Variants in CYP7B1 observed in about 807,000 individuals in gnomAD.
The protein encoded by CYP7B1 is cytochrome P450 family 7 subfamily B member 1.
In CYP7B1, 29 loss-of-function variants were observed where a neutral mutation model predicts 42.7. The ratio of observed to expected loss-of-function variants is 0.68; its 90% CI spans 0.51 to 0.93. The LOEUF is 0.93. CYP7B1 is among the 40% of genes least tolerant of loss of function. CYP7B1 has a pLI of 0.00. For missense variants in CYP7B1, 655 were observed against 600.5 expected, an observed-to-expected ratio of 1.09 and a Z score of -0.95; for synonymous variants, 235 against 218.2, an observed-to-expected ratio of 1.08 and a Z score of -0.68.
At chr8:64,636,004 G>T (rs960492122) in intron 1 of CYP7B1, among the ~76,000 whole-genome samples, 1 of 152,178 alleles carries the variant, frequency 6.6e-6, no homozygotes, top group Non-Finnish European at 1.5e-5. Flanking sequence ...TCTGGGAGGG[G>T]TGCTTAGGTT....
chr8:64,617,715 C>T (rs562692352), intron 2 of CYP7B1, among the ~76,000 whole-genome samples: 35 of 151,714 alleles, frequency 2.3e-4, no homozygotes, highest in East Asian at 1.7e-3. Flanking sequence ...GCTCTGTTAG[C>T]GGAACAACTT....
At chr8:64,749,111 T>C (rs1224766784) in intron 1 of CYP7B1, among the ~76,000 whole-genome samples, 1 of 152,136 alleles carries the variant, frequency 6.6e-6, no homozygotes, top group South Asian at 2.1e-4. Context: ...GACGGAGTCT[T>C]GCTCTGTCTC....
chr8:64,774,474 T>A (rs754062779), intron 1 of CYP7B1, among the ~76,000 whole-genome samples: 1 of 152,166 alleles, frequency 6.6e-6, no homozygotes, highest in Non-Finnish European at 1.5e-5. Flanking sequence ...GGAACAGTTG[T>A]TACTAGTAGC....
intron 1 of CYP7B1, among the ~76,000 whole-genome samples, chr8:64,726,347 C>A (rs1807324559): frequency 6.6e-6 from 1 of 152,126 alleles, no homozygotes. Context: ...AGAAAGTCTG[C>A]CTTTTAAATT....
At chr8:64,588,479 T>C (rs1804996876), downstream of CYP7B1, among the ~76,000 whole-genome samples, 1 of 152,222 alleles carries the variant, frequency 6.6e-6, no homozygotes, top group Non-Finnish European at 1.5e-5. Context: ...ATCTCAAATC[T>C]CCTGTTAACA....
chr8:64,765,737 C>T (rs967920059), intron 1 of CYP7B1, among the ~76,000 whole-genome samples: 1 of 152,122 alleles, frequency 6.6e-6, no homozygotes, highest in African/African-American at 2.4e-5. Context: ...ACTAGGGGTG[C>T]TGGCATCCCT....
chr8:64,618,594 C>CTCTCTT (rs1231361930), intron 2 of CYP7B1, among the ~76,000 whole-genome samples: 17 of 150,720 alleles, frequency 1.1e-4, no homozygotes, highest in Non-Finnish European at 2.2e-4. Flanking sequence ...CTCTCTTTCT[C>CTCTCTT]TCTCTCTCTC....
intron 1 of CYP7B1, among the ~76,000 whole-genome samples, chr8:64,644,012 C>T (rs529721126): frequency 9.9e-5 from 15 of 152,254 alleles, no homozygotes; most frequent in South Asian, 8.3e-4. Flanking sequence ...CGGTGGCTCA[C>T]GCCTGTAATC....
chr8:64,702,086 A>G (rs929567514), intron 1 of CYP7B1, among the ~76,000 whole-genome samples: 4 of 152,016 alleles, frequency 2.6e-5, no homozygotes, highest in Non-Finnish European at 5.9e-5. Context: ...CATTAGACTG[A>G]TAATATTTTT....
At position 64,708,541 on chromosome 8, in the gene CYP7B1, G is replaced by A. The variant is rs186942647; in HGVS notation, c.123-84002C>T. Among the ~76,000 whole-genome samples, 123 of 152,202 alleles carry A rather than the reference G, an allele frequency of 8.1e-4. No homozygotes were observed. In the Middle Eastern group the frequency reaches 0.01, roughly 13 times the overall value. ...CAGGATTATGCTAGTGAACCTAGGC[G>A]TTTCAGTTTGTTGCTTTATGTGCTA... is the stretch of plus-strand genomic sequence containing the variant. On this transcript the variant is annotated intron_variant, in intron 1 of 5. Transcript: ENST00000310193.
intron 1 of CYP7B1, among the ~76,000 whole-genome samples, chr8:64,797,188 A>T (rs1370529122): frequency 6.6e-6 from 1 of 152,158 alleles, no homozygotes. Context: ...CTGTCCCTCA[A>T]GTTCCACATT....
At chr8:64,619,897 C>G (rs1178975716) in intron 2 of CYP7B1, among the ~76,000 whole-genome samples, 1 of 151,688 alleles carries the variant, frequency 6.6e-6, no homozygotes, top group Non-Finnish European at 1.5e-5. Flanking sequence ...TACATATATC[C>G]ATGAGAATTG....
intron 1 of CYP7B1, among the ~76,000 whole-genome samples, chr8:64,643,173 A>T (rs113792056): frequency 9.4e-5 from 9 of 96,116 alleles, no homozygotes; most frequent in African/African-American, 2.8e-4. Context: ...ACATATATAC[A>T]TATATATACA....
At chr8:64,783,033 A>G (rs971279079) in intron 1 of CYP7B1, among the ~76,000 whole-genome samples, 7 of 152,322 alleles carry the variant, frequency 4.6e-5, no homozygotes, top group Admixed American at 4.6e-4. Flanking sequence ...ATCAAGAGCC[A>G]CAGAGGTGCC....
At chr8:64,687,698 C>A (rs1025061069) in intron 1 of CYP7B1, among the ~76,000 whole-genome samples, 3 of 152,008 alleles carry the variant, frequency 2.0e-5, no homozygotes, top group Non-Finnish European at 4.4e-5. Flanking sequence ...ATTATGTAAA[C>A]CTCAAAAATA....
At chr8:64,656,744 T>A (rs975847264) in intron 1 of CYP7B1, among the ~76,000 whole-genome samples, 2 of 152,222 alleles carry the variant, frequency 1.3e-5, no homozygotes, top group African/African-American at 4.8e-5. Flanking sequence ...TTGGTACAGT[T>A]TTCATTTCTG....
At position 64,596,705 on chromosome 8, in the gene CYP7B1, G is replaced by T; in HGVS notation, c.1458C>A (p.Arg486=). ...DDKPIGLNYS[R]LLFGIQYPDS... is the part of the protein sequence containing the mutation. ...CTGGATACTGAATACCAAACAACAAGCGGCTGTAGTTTAGTCCTATGGGCT... is the reference window on the plus strand; with the variant it reads ...CTGGATACTGAATACCAAACAACAATCGGCTGTAGTTTAGTCCTATGGGCT... Residue 486 remains arginine, a synonymous_variant, in exon 6 of 6, where the codon CGC becomes CGA. Coordinates refer to ENST00000310193, the MANE Select transcript of CYP7B1 (RefSeq NM_004820.5). The T allele has an allele frequency of 6.2e-7, 1 of 1,613,314 alleles. No individual in the cohort carries two copies. Among genetic ancestry groups the T allele is most frequent in the African/African-American group, 1.3e-5 (1 of 74,826 alleles).
At chr8:64,645,267 T>C (rs1410494241) in intron 1 of CYP7B1, among the ~76,000 whole-genome samples, 1 of 151,842 alleles carries the variant, frequency 6.6e-6, no homozygotes, top group African/African-American at 2.4e-5. Context: ...GTCCTTTGGG[T>C]ATATACCCAG....
chr8:64,625,224 C>T (rs1286526897), intron 1 of CYP7B1, among the ~76,000 whole-genome samples: 3 of 152,094 alleles, frequency 2.0e-5, no homozygotes, highest in Non-Finnish European at 2.9e-5. Context: ...CTGCCCAACT[C>T]GGCCTCCCGA....
Sources: allele counts gnomAD v4.1 joint callset (sites outside exome capture counted in the v4.1 genomes callset), GRCh38; gene constraint gnomAD v4.1.1; transcripts MANE v1.5; gene names NCBI Gene and HGNC (gene_info 2026-07-23, HGNC 2026-07-21).